The following STAU1 variants were observed in gnomAD, a reference collection of about 807,000 sequenced individuals.
STAU1 encodes double-stranded RNA-binding protein Staufen homolog 1.
STAU1 carries 13 observed loss-of-function variants against 62.9 expected under a neutral mutation model. The observed-to-expected ratio is 0.21, with a 90% CI of 0.13 to 0.33. The LOEUF (loss-of-function observed/expected upper bound fraction) is 0.33, where lower values mean the gene tolerates loss of function less well. Ranked by LOEUF, STAU1 falls within the 10% of genes least tolerant of loss-of-function variation. The pLI, the probability that STAU1 is intolerant of heterozygous loss-of-function variation, is 1.00. For missense variants in STAU1, 571 were observed against 712.1 expected (o/e 0.80, Z 2.25); for synonymous variants, 269 against 265.1 (o/e 1.01, Z -0.14).
At chr20:49,203,697 A>T in the STAU1 span, among the ~76,000 whole-genome samples, 3 of 152,066 alleles carry the variant, frequency 2.0e-5, no homozygotes, top group African/African-American at 7.2e-5. Context: ...TTATTTATTT[A>T]TTTTTTTGAG....
At chr20:49,127,524 G>T (rs569301540) in intron 6 of STAU1, among the ~76,000 whole-genome samples, 4 of 151,794 alleles carry the variant, frequency 2.6e-5, no homozygotes, top group African/African-American at 9.7e-5. Context: ...TGGCCAACAG[G>T]GTGAAACCCT....
rs1254388694 is a variant in STAU1, at chr20:49,114,716, G to A, written c.*162C>T. 15 of 702,050 alleles carry A rather than the reference G, an allele frequency of 2.1e-5. No homozygotes were observed. Among genetic ancestry groups the A allele is most frequent in the Admixed American group, 7.8e-5 (3 of 38,298 alleles). 43.5% of individuals were successfully genotyped at this position (702,050 alleles called of 1,614,324 possible). ...AGCACAGTCCAGCCCGGCCACAGCC[G>A]CCTCCTTGTGTTTCTGTTGTCTTCC... On this transcript the variant is annotated 3_prime_UTR_variant, in exon 14 of 14. Coordinates refer to ENST00000371856, the MANE Select transcript of STAU1 (RefSeq NM_017453.4).
In STAU1 at chr20:49,125,198, C is replaced by CAAAAAAAAAAAAAAAA. The variant is rs1171534142; in HGVS notation, c.610-627_610-612dup. Among the ~76,000 whole-genome samples the CAAAAAAAAAAAAAAAA allele has an allele frequency of 1.8e-4, 6 of 33,734 alleles. 1 individual carries two copies. The highest frequency in any genetic ancestry group is 2.8e-3 in the East Asian group (2 of 720). 22.1% of individuals were successfully genotyped at this position (33,734 alleles called of 152,430 possible). A position where few individuals can be genotyped will look rare whatever the true frequency, so the allele number is the denominator to read the frequency against. On this transcript the variant is annotated intron_variant, in intron 6 of 13. Coordinates refer to ENST00000371856, the MANE Select transcript of STAU1 (RefSeq NM_017453.4). ...ACACACATTTATAAGCTCATTTTTG[C>CAAAAAAAAAAAAAAAA]AAAAAAAAAAAAAAAAAAAAAAAAA...
intron 3 of STAU1, among the ~76,000 whole-genome samples, chr20:49,161,494 A>T (rs1204756181): frequency 6.6e-6 from 1 of 152,186 alleles, no homozygotes; most frequent in Admixed American, 6.5e-5. Flanking sequence ...CACCACTTTC[A>T]AGAGTATAAA....
At chr20:49,176,220 G>A (rs2093659242) in intron 1 of STAU1, among the ~76,000 whole-genome samples, 1 of 152,116 alleles carries the variant, frequency 6.6e-6, no homozygotes. Context: ...CATATGCTTG[G>A]TGACCCAAAT....
chr20:49,114,884 C>A lies in STAU1; in HGVS notation c.1728G>T (p.Arg576Ser). The change falls in exon 14 of 14, where the codon AGG becomes AGT. Residue 576 changes from arginine (R) to serine (S), a missense_variant. By Grantham distance (110) the Arg-to-Ser change is moderately radical (BLOSUM62 -1). This residue lies in a region of STAU1 where 156 missense variants were observed against 194.7 expected (regional missense o/e 0.80). Coordinates refer to ENST00000371856, the MANE Select transcript of STAU1 (RefSeq NM_017453.4). ...TGNGPMSVCGRC is the reference protein window; with the variant it reads ...TGNGPMSVCGSC ...GTTCATGGCCAGAAAAGGTTCAGCACCTCCCACACCTTTAAGGAAGAAAAA... is the reference window on the plus strand; with the variant it reads ...GTTCATGGCCAGAAAAGGTTCAGCAACTCCCACACCTTTAAGGAAGAAAAA... 1 of 1,613,434 alleles carries A rather than the reference C, an allele frequency of 6.2e-7. No individual in the cohort carries two copies. Among genetic ancestry groups the A allele is most frequent in the Non-Finnish European group, 8.5e-7 (1 of 1,179,580 alleles).
chr20:49,125,214 A>AAAAAAAC (rs2092575678), intron 6 of STAU1, among the ~76,000 whole-genome samples: 1 of 146,054 alleles, frequency 6.8e-6, no homozygotes, highest in Non-Finnish European at 1.5e-5. Flanking sequence ...AAAAAAAAAA[A>AAAAAAAC]AAAAAAAAAA....
At chr20:49,184,447 C>T (rs767602460) in intron 1 of STAU1, among the ~76,000 whole-genome samples, 6 of 152,104 alleles carry the variant, frequency 3.9e-5, no homozygotes, top group African/African-American at 9.7e-5. Context: ...GTGAACCTCA[C>T]GTGCACAGCT....
rs2145789831 is a variant in STAU1, at chr20:49,114,583, T to G, written c.*295A>C. ...CACGGAGGTGCCCAGGGTGTGGATCTGCTGGTGTCCCGGGAGAACCAGCTG... is the reference window on the plus strand; with the variant it reads ...CACGGAGGTGCCCAGGGTGTGGATCGGCTGGTGTCCCGGGAGAACCAGCTG... On this transcript the variant is annotated 3_prime_UTR_variant, in exon 14 of 14. Coordinates refer to ENST00000371856, the MANE Select transcript of STAU1 (RefSeq NM_017453.4). 4.7e-6 allele frequency: 2 copies of G among 427,890 alleles called. No individual in the cohort carries two copies. The highest frequency in any genetic ancestry group is 9.4e-5 in the South Asian group (2 of 21,268). 26.5% of individuals were successfully genotyped at this position (427,890 alleles called of 1,614,324 possible).
At chr20:49,197,043 T>C in the STAU1 span, among the ~76,000 whole-genome samples, 13 of 151,882 alleles carry the variant, frequency 8.6e-5, no homozygotes, top group Middle Eastern at 3.4e-3. Flanking sequence ...TAGTCCCAGC[T>C]ACTCGGGAGG....
rs565890094 is a variant in STAU1, at chr20:49,163,105, T to C, written c.205+2892A>G. 4.2e-4 allele frequency among the ~76,000 whole-genome samples: 64 copies of C among 152,062 alleles called. No individual in the cohort carries two copies. The East Asian group carries it at 7.0e-3, about 17-fold the overall frequency. The stretch of plus-strand genomic sequence containing the variant: ...TACTCAGGAGGCTGAGGCAGGAGAA[T>C]TGCTTGAACCCGGGAGGAGGAAGTT... On this transcript the variant is annotated intron_variant, in intron 3 of 13. Transcript: ENST00000371856.
chr20:49,124,562 T>A lies in STAU1; in HGVS notation c.635A>T (p.His212Leu). The stretch of plus-strand genomic sequence containing the variant: ...AACCTTGGTCACAAAGTTCTTCATG[T>A]GGGGTGGGCCACTCTCCCGGGCCAC... The part of the protein sequence containing the change: ...FEVARESGPP[H>L]MKNFVTKVSV... The change falls in exon 7 of 14, where the codon CAC becomes CTC. Residue 212 changes from histidine (H) to leucine (L), a missense_variant. By Grantham distance (99) the His-to-Leu change is moderately conservative. This residue lies in a region of STAU1 where 414 missense variants were observed against 499.6 expected (regional missense o/e 0.83). Coordinates refer to ENST00000371856, the MANE Select transcript of STAU1 (RefSeq NM_017453.4). The A allele has an allele frequency of 6.2e-7, 1 of 1,613,928 alleles. No individual in the cohort carries two copies.
chr20:49,135,948 T>TTAGTA lies in STAU1; in HGVS notation c.511-22_511-18dup. ...TCCATTCACCTGTAAGAATAATTGT[T>TTAGTA]TAGTAGTTAGCTCTTATTAAAATAG... is the stretch of plus-strand genomic sequence containing the variant. On this transcript the variant is annotated splice_polypyrimidine_tract_variant and intron_variant, in intron 5 of 13. Transcript: ENST00000371856. The TTAGTA allele has an allele frequency of 1.3e-6, 2 of 1,594,712 alleles. No homozygotes were observed. Among genetic ancestry groups the TTAGTA allele is most frequent in the African/African-American group, 2.7e-5 (2 of 74,606 alleles).
chr20:49,136,456 A>C (rs2092885601), intron 5 of STAU1, among the ~76,000 whole-genome samples: 1 of 152,208 alleles, frequency 6.6e-6, no homozygotes, highest in Non-Finnish European at 1.5e-5. Flanking sequence ...GTCAAATTGT[A>C]CCTCATAAGT....
At chr20:49,144,340 T>C (rs1352382988) in intron 5 of STAU1, among the ~76,000 whole-genome samples, 1 of 152,182 alleles carries the variant, frequency 6.6e-6, no homozygotes, top group Admixed American at 6.5e-5. Flanking sequence ...TCGAAAAATG[T>C]TGCATGATGA....
chr20:49,124,492 C>T lies in STAU1; in HGVS notation c.705G>A (p.Lys235=), dbSNP rs759052505. 1.9e-6 allele frequency: 3 copies of T among 1,614,144 alleles called. No homozygotes were observed. The Admixed American group carries it at 5.0e-5, about 27-fold the overall frequency. The part of the protein sequence containing the change: ...FVGEGEGKSK[K]ISKKNAAIAV... ...CTATGGCGGCATTTTTCTTTGAAAT[C>T]TTCTTGCTTTTCCCTTCACCTTCCC... The change falls in exon 7 of 14, where the codon AAG becomes AAA. Residue 235 remains lysine, a synonymous_variant. Coordinates refer to ENST00000371856, the MANE Select transcript of STAU1 (RefSeq NM_017453.4).
chr20:49,209,819 C>A, the STAU1 span, among the ~76,000 whole-genome samples: 20 of 151,990 alleles, frequency 1.3e-4, no homozygotes, highest in Admixed American at 9.2e-4. Context: ...GAGGCCGAGG[C>A]AGGCGGATCA....
chr20:49,119,065 G>C (rs1355297439), intron 9 of STAU1, among the ~76,000 whole-genome samples: 1 of 152,222 alleles, frequency 6.6e-6, no homozygotes, highest in African/African-American at 2.4e-5. Context: ...AGACATGAAT[G>C]AATCAGGCCT....
At chr20:49,114,997 T>A in intron 13 of STAU1, 104 bp from the exon 14 acceptor site, 1 of 1,202,394 alleles carries the variant, frequency 8.3e-7, no homozygotes, top group Non-Finnish European at 1.2e-6. Context: ...AGTACAATAC[T>A]AAAAGCCCCA....
Sources: gnomAD v4.1 joint callset for allele counts (sites outside exome capture counted in the v4.1 genomes callset) on GRCh38, gnomAD v4.1.1 for gene constraint, gnomAD v4.1.1 regional missense constraint, MANE v1.5 for transcripts, NCBI Gene and HGNC (gene_info 2026-07-23, HGNC 2026-07-21) for gene names.